Variants in DOCK7 observed in about 807,000 individuals in gnomAD.
DOCK7 encodes the protein dedicator of cytokinesis protein 7.
Under a neutral mutation model 271.0 loss-of-function variants are expected in DOCK7, and 138 were observed. The ratio of observed to expected loss-of-function variants is 0.51; its 90% CI spans 0.44 to 0.59. DOCK7 has a LOEUF of 0.59. Ranked by LOEUF, DOCK7 falls within the 20% of genes least tolerant of loss-of-function variation. DOCK7 has a pLI of 0.00. For synonymous variants in DOCK7, 823 were observed against 876.1 expected, an observed-to-expected ratio of 0.94 and a Z score of 1.07; for missense variants, 2,066 against 2,592.4, an observed-to-expected ratio of 0.80 and a Z score of 4.41.
intron 31 of DOCK7, among the ~76,000 whole-genome samples, chr1:62,515,414 A>C (rs1312305164): frequency 6.6e-6 from 1 of 152,264 alleles, no homozygotes; most frequent in Non-Finnish European, 1.5e-5. Context: ...CTTTATTTTA[A>C]AGACAGACAC....
Position 62,635,000 on chromosome 1 carries a change from CTACT to C in DOCK7, c.886-82_886-79del, listed in dbSNP as rs372247016. On this transcript the variant is annotated intron_variant, in intron 8 of 49. Transcript: ENST00000635253. ...ATTTCTTAAAAGAAAGCTGCTTCTG[CTACT>C]TACTTTTAGAACTCTTTCAATGAAA... 496 of 923,854 alleles carry C rather than the reference CTACT, an allele frequency of 5.4e-4. 6 individuals carry two copies. In the South Asian group the frequency reaches 0.011, roughly 21 times the overall value. The allele number at this position is 923,854 out of a possible 1,614,324, so 57.2% of individuals were successfully genotyped here.
chr1:62,680,834 G>A (rs1292461518), intron 1 of DOCK7, among the ~76,000 whole-genome samples: 1 of 151,980 alleles, frequency 6.6e-6, no homozygotes, highest in Admixed American at 6.6e-5. Context: ...ACCACAATGA[G>A]ACACCATCTC....
rs749097666 is a variant in DOCK7 at position 62,634,867 on chromosome 1, C to T, written c.941G>A (p.Arg314His). The T allele has an allele frequency of 6.2e-6, 10 of 1,612,234 alleles. No homozygotes were observed. Among genetic ancestry groups the T allele is most frequent in the East Asian group, 2.2e-5 (1 of 44,764 alleles). Residue 314 changes from arginine (R) to histidine (H), a missense_variant, in exon 9 of 50, where the codon CGT (arginine) becomes CAT (histidine). Coordinates refer to ENST00000635253, the MANE Select transcript of DOCK7 (RefSeq NM_001367561.1). ...AATGGCAGCAGGTGGTACATGTGGA[C>T]GTAACAACCCTTTCATCTGCTCAGA... ...LNSEQMKGLLRPHVPPAAITT... is the reference protein window; with the variant it reads ...LNSEQMKGLLHPHVPPAAITT...
At chr1:62,542,494 T>C (rs1645568351) in intron 25 of DOCK7, 114 bp downstream of exon 25, 1 of 996,364 alleles carries the variant, frequency 1.0e-6, no homozygotes, top group Non-Finnish European at 1.5e-6. Flanking sequence ...TAGAGGCACA[T>C]GGAAAAGCGT....
chr1:62,583,566 T>C (rs1039156065), intron 15 of DOCK7, among the ~76,000 whole-genome samples: 1 of 152,232 alleles, frequency 6.6e-6, no homozygotes, highest in Non-Finnish European at 1.5e-5. Context: ...TTAAATCAGA[T>C]GTAGCATATT....
chr1:62,542,631 C>T lies in DOCK7; in HGVS notation c.3022G>A (p.Ala1008Thr), dbSNP rs1645573255. The change falls in exon 25 of 50, where the codon GCC becomes ACC. Residue 1008 changes from alanine to threonine, a missense_variant. Ala to Thr is a moderately conservative substitution (Grantham distance 58). Coordinates refer to ENST00000635253, the MANE Select transcript of DOCK7 (RefSeq NM_001367561.1). ...GSVRESALQQ[A>T]WFFFELMVKS... ...ACCATTAATTCAAAAAAGAACCAGGCTTGTTGCAAAGCTGATTCCCGAACG... is the reference window on the plus strand; with the variant it reads ...ACCATTAATTCAAAAAAGAACCAGGTTTGTTGCAAAGCTGATTCCCGAACG... The T allele has an allele frequency of 2.5e-6, 4 of 1,612,680 alleles. No individual in the cohort carries two copies. The highest frequency in any genetic ancestry group is 3.4e-6 in the Non-Finnish European group (4 of 1,179,168).
At chr1:62,493,523 A>G (rs543763635) in intron 40 of DOCK7, among the ~76,000 whole-genome samples, 1 of 152,246 alleles carries the variant, frequency 6.6e-6, no homozygotes, top group African/African-American at 2.4e-5. Flanking sequence ...TTGAGTGAAA[A>G]CTTAAAAGAT....
intron 1 of DOCK7, among the ~76,000 whole-genome samples, chr1:62,671,820 A>C (rs1660041467): frequency 6.6e-6 from 1 of 152,144 alleles, no homozygotes; most frequent in Non-Finnish European, 1.5e-5. Context: ...TTAACAGGAT[A>C]TATAATTTGT....
intron 29 of DOCK7, among the ~76,000 whole-genome samples, chr1:62,533,477 A>C (rs1225450325): frequency 6.6e-6 from 1 of 151,936 alleles, no homozygotes; most frequent in Non-Finnish European, 1.5e-5. Context: ...GTCAAATGGC[A>C]AAATACAAAA....
chr1:62,618,691 A>C lies in DOCK7; in HGVS notation c.1682+15T>G. Reference sequence around the variant, plus strand: ...AGTATCTTCTATCAGAATTCTCCAAATTAAAATCTCTTACCTGTAAGTAGT... The same window carrying C: ...AGTATCTTCTATCAGAATTCTCCAACTTAAAATCTCTTACCTGTAAGTAGT... On this transcript the variant is annotated intron_variant, in intron 14 of 49. Coordinates refer to ENST00000635253, the MANE Select transcript of DOCK7 (RefSeq NM_001367561.1). 6.2e-7 allele frequency: 1 copy of C among 1,605,264 alleles called. No homozygotes were observed. The highest frequency in any genetic ancestry group is 8.5e-7 in the Non-Finnish European group (1 of 1,172,710).
At chr1:62,588,296 A>G (rs1350206369) in intron 14 of DOCK7, among the ~76,000 whole-genome samples, 2 of 152,220 alleles carry the variant, frequency 1.3e-5, no homozygotes, top group African/African-American at 4.8e-5. Flanking sequence ...GGTCTTGAGG[A>G]ACATAGTATA....
chr1:62,577,986 T>A lies in DOCK7; in HGVS notation c.2011-623A>T, dbSNP rs12045315. Among the ~76,000 whole-genome samples, 325 of 152,138 alleles carry A rather than the reference T, an allele frequency of 2.1e-3. 3 individuals are homozygous for A. The highest frequency in any genetic ancestry group is 0.015 in the East Asian group (78 of 5,166). On this transcript the variant is annotated intron_variant, in intron 17 of 49. Coordinates refer to ENST00000635253, the MANE Select transcript of DOCK7 (RefSeq NM_001367561.1). ...TCGCCCAGGCCAGAGTGCAATGGCA[T>A]GATCTTGGCTCACTGCAACCTCTGC...
chr1:62,533,166 T>G (rs1014852021), intron 29 of DOCK7, among the ~76,000 whole-genome samples: 1 of 152,126 alleles, frequency 6.6e-6, no homozygotes, highest in African/African-American at 2.4e-5. Context: ...CTATTAAACT[T>G]TCTGCTCCTT....
intron 14 of DOCK7, chr1:62,601,889 C>T: frequency 1.3e-6 from 2 of 1,574,822 alleles, no homozygotes. Context: ...TCAGGTAAAA[C>T]CTGTCTAAGG....
At chr1:62,670,174 C>G (rs1334402214) in intron 1 of DOCK7, among the ~76,000 whole-genome samples, 2 of 152,238 alleles carry the variant, frequency 1.3e-5, no homozygotes, top group Non-Finnish European at 2.9e-5. Context: ...GCCTCTCACC[C>G]CCTCCGTGGG....
intron 48 of DOCK7, among the ~76,000 whole-genome samples, chr1:62,461,677 TAAATAAAATAAAATAAAATA>T (rs71045843): frequency 1.9e-4 from 26 of 134,912 alleles, no homozygotes; most frequent in African/African-American, 3.8e-4. Context: ...TCTCAAAAAA[TAAATAAAATAAAATAAAATA>T]AAATAAAATA....
At chr1:62,663,212 C>T (rs1025777804) in intron 1 of DOCK7, 82 bp from the exon 2 acceptor site, 1 of 1,029,960 alleles carries the variant, frequency 9.7e-7, no homozygotes, top group Non-Finnish European at 1.4e-6. Flanking sequence ...AAGCTAAATA[C>T]ATTAAAGATT....
chr1:62,542,671 A>G lies in DOCK7; in HGVS notation c.2982T>C (p.Val994=). 1 of 1,613,138 alleles carries G rather than the reference A, an allele frequency of 6.2e-7. No homozygotes were observed. Among genetic ancestry groups the G allele is most frequent in the Non-Finnish European group, 8.5e-7 (1 of 1,179,438 alleles). The part of the protein sequence containing the change: ...LFHEELALQW[V]VCSGSVRESA... ...ATTCCCGAACGCTGCCACTGCAAAC[A>G]ACCCACTGCAAAGCCAGCTCCTCGT... The change falls in exon 25 of 50, where the codon GTT becomes GTC. Residue 994 remains valine, a synonymous_variant. Coordinates refer to ENST00000635253, the MANE Select transcript of DOCK7 (RefSeq NM_001367561.1).
intron 43 of DOCK7, among the ~76,000 whole-genome samples, chr1:62,480,805 C>A (rs901928816): frequency 6.6e-6 from 1 of 152,064 alleles, no homozygotes; most frequent in African/African-American, 2.4e-5. Context: ...GTCAGGAGAT[C>A]GAGACCACCC....
Sources: gnomAD v4.1 joint callset for allele counts (sites outside exome capture counted in the v4.1 genomes callset) on GRCh38, gnomAD v4.1.1 for gene constraint, MANE v1.5 for transcripts, NCBI Gene and HGNC (gene_info 2026-07-23, HGNC 2026-07-21) for gene names.